The following EVA1C variants were observed in gnomAD, a reference collection of about 807,000 sequenced individuals.
EVA1C encodes eva-1 homolog C.
In EVA1C, 25 loss-of-function variants were observed where a neutral mutation model predicts 45.4. That is an observed-to-expected ratio of 0.55 (90% CI 0.40 to 0.77). The LOEUF is 0.77. Among genes scored for constraint, EVA1C ranks in the 30% least tolerant of loss-of-function variants. The pLI, the probability that EVA1C is intolerant of heterozygous loss-of-function variation, is 0.00. For synonymous variants in EVA1C, 190 were observed against 221.2 expected, an observed-to-expected ratio of 0.86 and a Z score of 1.25; for missense variants, 479 against 554.8, an observed-to-expected ratio of 0.86 and a Z score of 1.37.
chr21:32,455,697 G>A (rs992345646), intron 2 of EVA1C, among the ~76,000 whole-genome samples: 1 of 152,054 alleles, frequency 6.6e-6, no homozygotes, highest in Non-Finnish European at 1.5e-5. Flanking sequence ...ACTAGAGCAT[G>A]GGCACCACCT....
At chr21:32,430,573 G>A (rs1278728416) in intron 1 of EVA1C, among the ~76,000 whole-genome samples, 1 of 152,146 alleles carries the variant, frequency 6.6e-6, no homozygotes, top group African/African-American at 2.4e-5. Flanking sequence ...AGATCCACGT[G>A]ACTGGGGAGG....
At chr21:32,460,151 C>T (rs912048751) in intron 3 of EVA1C, among the ~76,000 whole-genome samples, 3 of 152,154 alleles carry the variant, frequency 2.0e-5, no homozygotes. Flanking sequence ...GAACTCACAT[C>T]CCACAGAGAT....
intron 3 of EVA1C, among the ~76,000 whole-genome samples, chr21:32,461,284 A>C (rs1217255819): frequency 6.6e-6 from 1 of 152,174 alleles, no homozygotes; most frequent in Non-Finnish European, 1.5e-5. Flanking sequence ...GAGCCAAGGA[A>C]GGAGTTGGGG....
intron 7 of EVA1C, among the ~76,000 whole-genome samples, chr21:32,511,491 A>C (rs1488185292): frequency 6.6e-6 from 1 of 152,010 alleles, no homozygotes; most frequent in Non-Finnish European, 1.5e-5. Context: ...CTTTATATGT[A>C]ACTGGAAAAG....
intron 5 of EVA1C, chr21:32,497,213 A>G: frequency 4.9e-6 from 4 of 814,488 alleles, no homozygotes; most frequent in South Asian, 4.0e-5. Flanking sequence ...TAAGGGAAAA[A>G]CCGTCCAGCA....
In EVA1C at chr21:32,515,195, C is replaced by T. The variant is rs1415519666; in HGVS notation, c.*5C>T. The T allele has an allele frequency of 1.3e-6, 2 of 1,570,128 alleles. No homozygotes were observed. Among genetic ancestry groups the T allele is most frequent in the Admixed American group, 1.8e-5 (1 of 55,256 alleles). On this transcript the variant is annotated 3_prime_UTR_variant, in exon 8 of 8. Coordinates refer to ENST00000300255, the MANE Select transcript of EVA1C (RefSeq NM_058187.5). Reference sequence around the variant, plus strand: ...AACATGGGCCAGTTCTACTGAAAACCACATGCATCTTGATGCGATCGCACT... The same window carrying T: ...AACATGGGCCAGTTCTACTGAAAACTACATGCATCTTGATGCGATCGCACT...
intron 3 of EVA1C, among the ~76,000 whole-genome samples, chr21:32,462,695 C>A (rs1292686588): frequency 6.6e-6 from 1 of 152,210 alleles, no homozygotes; most frequent in African/African-American, 2.4e-5. Context: ...GAACACCTGG[C>A]CCACCCAGAG....
At chr21:32,509,552 C>T (rs1006511416) in intron 7 of EVA1C, among the ~76,000 whole-genome samples, 2 of 152,192 alleles carry the variant, frequency 1.3e-5, no homozygotes, top group African/African-American at 2.4e-5. Context: ...CTTTTATGCA[C>T]TCAGCAAATA....
chr21:32,500,773 C>G (rs1230019586), intron 5 of EVA1C, among the ~76,000 whole-genome samples: 1 of 151,598 alleles, frequency 6.6e-6, no homozygotes, highest in African/African-American at 2.4e-5. Flanking sequence ...TGTGATGTTT[C>G]AGAGGTTCAT....
chr21:32,451,513 T>C (rs1235917692), intron 1 of EVA1C, among the ~76,000 whole-genome samples: 2 of 152,204 alleles, frequency 1.3e-5, no homozygotes, highest in Non-Finnish European at 2.9e-5. Context: ...GGGAATTCCA[T>C]GGAGTCTGAC....
intron 1 of EVA1C, among the ~76,000 whole-genome samples, chr21:32,429,101 G>T (rs6517096): frequency 0.36 from 54,385 of 151,874 alleles, 9,971 homozygotes; most frequent in East Asian, 0.44. Context: ...CTCAGCTCAC[G>T]GCAACCTCGC....
intron 5 of EVA1C, among the ~76,000 whole-genome samples, chr21:32,495,626 C>G (rs1297840188): frequency 6.6e-6 from 1 of 152,092 alleles, no homozygotes; most frequent in African/African-American, 2.4e-5. Context: ...ATCTACATGC[C>G]CACAGTGTTG....
At chr21:32,451,095 C>G (rs146123454) in intron 1 of EVA1C, among the ~76,000 whole-genome samples, 79 of 152,312 alleles carry the variant, frequency 5.2e-4, no homozygotes, top group Middle Eastern at 6.8e-3. Flanking sequence ...CAGGCTGGCT[C>G]AGCCCCTTTG....
At chr21:32,485,430 T>C (rs531284144) in intron 4 of EVA1C, among the ~76,000 whole-genome samples, 109 of 152,346 alleles carry the variant, frequency 7.2e-4, no homozygotes, top group Non-Finnish European at 1.4e-3. Flanking sequence ...TCCAAAGTGC[T>C]GGGATTACAG....
At chr21:32,504,152 A>G in intron 7 of EVA1C, 137 bp downstream of exon 7, 1 of 634,998 alleles carries the variant, frequency 1.6e-6, no homozygotes, top group Non-Finnish European at 2.7e-6. Flanking sequence ...CACCACTTCT[A>G]AGATTCAGAA....
chr21:32,514,671 T>A, intron 7 of EVA1C, 143 bp from the exon 8 acceptor site: 1 of 929,652 alleles, frequency 1.1e-6, no homozygotes. Context: ...ATATGATTAT[T>A]TTGGTGTAGA....
chr21:32,512,251 A>G (rs1008162907), intron 7 of EVA1C, among the ~76,000 whole-genome samples: 9 of 152,174 alleles, frequency 5.9e-5, no homozygotes, highest in African/African-American at 1.9e-4. Context: ...TTACAGTATT[A>G]AAAAGTAATT....
intron 1 of EVA1C, among the ~76,000 whole-genome samples, chr21:32,424,017 G>A (rs1243218921): frequency 1.3e-5 from 2 of 152,190 alleles, no homozygotes; most frequent in African/African-American, 4.8e-5. Context: ...CCCATTTCAA[G>A]TCTGTCAGCA....
At chr21:32,470,131 G>A (rs2036315350) in intron 4 of EVA1C, among the ~76,000 whole-genome samples, 1 of 152,180 alleles carries the variant, frequency 6.6e-6, no homozygotes, top group Non-Finnish European at 1.5e-5. Context: ...TTGCTACAAT[G>A]TATGTGTGGA....
Sources: allele counts gnomAD v4.1 joint callset (sites outside exome capture counted in the v4.1 genomes callset), GRCh38; gene constraint gnomAD v4.1.1; transcripts MANE v1.5; gene names NCBI Gene and HGNC (gene_info 2026-07-23, HGNC 2026-07-21).